PATJ: variants seen among roughly 807,000 people sequenced by gnomAD.
PATJ encodes the protein PATJ crumbs cell polarity complex component.
In PATJ, 190 loss-of-function variants were observed where a neutral mutation model predicts 224.9. That is an observed-to-expected ratio of 0.84 (90% CI 0.75 to 0.95). The LOEUF (loss-of-function observed/expected upper bound fraction) is 0.95. Among genes scored for constraint, PATJ ranks in the 40% least tolerant of loss-of-function variants. The probability of loss-of-function intolerance (pLI) is 0.00; values close to 1 mark genes in which losing one functional copy is unlikely to be tolerated. For synonymous variants in PATJ, 769 were observed against 820.3 expected (o/e 0.94, Z 1.07); for missense variants, 2,121 against 2,270.3 (o/e 0.93, Z 1.34).
intron 7 of PATJ, among the ~76,000 whole-genome samples, chr1:61,783,589 T>TAA (rs1557637588): frequency 6.6e-6 from 1 of 151,852 alleles, no homozygotes; most frequent in East Asian, 1.9e-4. Context: ...ATTCATTTTT[T>TAA]AGTTTTTGAA....
chr1:62,065,376 C>T (rs1010304046), intron 31 of PATJ, among the ~76,000 whole-genome samples: 27 of 152,090 alleles, frequency 1.8e-4, no homozygotes, highest in African/African-American at 5.8e-4. Context: ...TTTGGGAGGC[C>T]GAGACAGGCG....
chr1:62,045,252 T>G (rs935414000), intron 30 of PATJ, among the ~76,000 whole-genome samples: 4 of 152,094 alleles, frequency 2.6e-5, no homozygotes, highest in African/African-American at 9.7e-5. Flanking sequence ...AAATGTTTTT[T>G]CAATCCACAA....
At chr1:61,916,618 G>C (rs940518592) in intron 26 of PATJ, among the ~76,000 whole-genome samples, 1 of 152,180 alleles carries the variant, frequency 6.6e-6, no homozygotes, top group Non-Finnish European at 1.5e-5. Context: ...AATCTGTCAT[G>C]TAACTGTCTG....
intron 27 of PATJ, among the ~76,000 whole-genome samples, chr1:61,965,199 T>C (rs931373634): frequency 4.0e-5 from 6 of 149,156 alleles, no homozygotes; most frequent in African/African-American, 1.5e-4. Flanking sequence ...TTTATTATTT[T>C]CTAGTTGTAC....
Position 61,884,342 on chromosome 1 carries a change from C to T in PATJ, c.3065C>T (p.Thr1022Ile). Reference sequence around the variant, plus strand: ...TTGCCTTTATATCAACACCAAGCGACACGAGTTATTTCCAAGGCCTCAGCA... The same window carrying T: ...TTGCCTTTATATCAACACCAAGCGATACGAGTTATTTCCAAGGCCTCAGCA... ...EDLPLYQHQA[T>I]RVISKASAYT... Residue 1022 changes from threonine (T) to isoleucine (I), a missense_variant, in exon 22 of 44, where the codon ACA (threonine) becomes ATA (isoleucine). Transcript: ENST00000642238. 6.2e-7 allele frequency: 1 copy of T among 1,613,228 alleles called. No individual in the cohort carries two copies. Among genetic ancestry groups the T allele is most frequent in the Non-Finnish European group, 8.5e-7 (1 of 1,179,742 alleles).
intron 22 of PATJ, among the ~76,000 whole-genome samples, chr1:61,894,264 A>ACAAAC (rs200759760): frequency 1.6e-3 from 238 of 144,476 alleles, no homozygotes; most frequent in Non-Finnish European, 2.9e-3. Flanking sequence ...CATAAAAAAA[A>ACAAAC]AAAAACACAA....
intron 27 of PATJ, among the ~76,000 whole-genome samples, chr1:61,938,238 A>G (rs572599532): frequency 2.0e-5 from 3 of 152,274 alleles, no homozygotes; most frequent in Non-Finnish European, 4.4e-5. Context: ...TGGATGGGGG[A>G]TTCTACTGTC....
intron 41 of PATJ, among the ~76,000 whole-genome samples, chr1:62,141,050 G>A (rs762604237): frequency 9.9e-5 from 15 of 151,910 alleles, no homozygotes; most frequent in South Asian, 2.1e-4. Flanking sequence ...GAAGTACCCC[G>A]GAGAGTGAAG....
chr1:61,839,536 T>C (rs754126411), intron 17 of PATJ, among the ~76,000 whole-genome samples: 7 of 152,070 alleles, frequency 4.6e-5, no homozygotes, highest in Non-Finnish European at 8.8e-5. Flanking sequence ...CCAAAAAGCT[T>C]GAAAAAAAAT....
intron 28 of PATJ, among the ~76,000 whole-genome samples, chr1:62,005,704 T>G (rs1247413379): frequency 6.6e-6 from 1 of 152,062 alleles, no homozygotes; most frequent in East Asian, 1.9e-4. Context: ...GCTTCTAGGC[T>G]ACAGTGAGCT....
chr1:61,844,707 C>T (rs1383694157), intron 17 of PATJ, among the ~76,000 whole-genome samples: 1 of 151,930 alleles, frequency 6.6e-6, no homozygotes, highest in African/African-American at 2.4e-5. Context: ...AATTATAATC[C>T]CCATGTGTCA....
chr1:61,884,450 GGTTTTTTTT>G, intron 22 of PATJ, 42 bp downstream of exon 22: 1 of 689,088 alleles, frequency 1.5e-6, no homozygotes, highest in African/African-American at 3.2e-5. Flanking sequence ...ATAAAATAGT[GGTTTTTTTT>G]TTTTTTTTTT....
chr1:62,149,932 C>T (rs982281726), intron 42 of PATJ, among the ~76,000 whole-genome samples: 1 of 152,012 alleles, frequency 6.6e-6, no homozygotes, highest in African/African-American at 2.4e-5. Flanking sequence ...AGTAGAGCCA[C>T]ACTCCTCCCT....
intron 32 of PATJ, among the ~76,000 whole-genome samples, chr1:62,082,932 C>G (rs1402493938): frequency 6.6e-6 from 1 of 152,064 alleles, no homozygotes; most frequent in Non-Finnish European, 1.5e-5. Context: ...GCAGATGGAG[C>G]CCTCTCTCAT....
intron 39 of PATJ, among the ~76,000 whole-genome samples, chr1:62,123,667 C>T (rs557062550): frequency 1.6e-3 from 240 of 149,794 alleles, no homozygotes; most frequent in Admixed American, 2.4e-3. Context: ...TTAGTAGAGA[C>T]GGGTTTTCAC....
Position 61,913,145 on chromosome 1 carries a change from T to G in PATJ, c.3493-1442T>G, listed in dbSNP as rs563570384. Among the ~76,000 whole-genome samples, 8 of 152,248 alleles carry G rather than the reference T, an allele frequency of 5.3e-5. No individual in the cohort carries two copies. The South Asian group carries it at 6.2e-4, about 12-fold the overall frequency. ...ATCTTAAATTGCATTTAGGGGAAAA[T>G]GGGCTTTTTGTTTTGTTTTTAATTA... On this transcript the variant is annotated intron_variant, in intron 25 of 43. Coordinates refer to ENST00000642238, the MANE Select transcript of PATJ (RefSeq NM_001350145.3).
At chr1:62,089,682 T>TC (rs955916167) in intron 33 of PATJ, among the ~76,000 whole-genome samples, 2 of 152,204 alleles carry the variant, frequency 1.3e-5, no homozygotes, top group African/African-American at 4.8e-5. Context: ...TTTTTTTTTT[T>TC]CCCCTTCCAA....
chr1:61,803,862 A>G (rs559410597), intron 12 of PATJ, among the ~76,000 whole-genome samples: 1 of 152,226 alleles, frequency 6.6e-6, no homozygotes, highest in Admixed American at 6.5e-5. Context: ...TCATCATGTT[A>G]TTCATTTTTT....
chr1:61,989,016 C>T (rs1234101553), intron 27 of PATJ, among the ~76,000 whole-genome samples: 1 of 152,156 alleles, frequency 6.6e-6, no homozygotes, highest in African/African-American at 2.4e-5. Flanking sequence ...GGCATGAAGC[C>T]TTTGAGTGTG....
Sources: gnomAD v4.1 joint callset for allele counts (sites outside exome capture counted in the v4.1 genomes callset) on GRCh38, gnomAD v4.1.1 for gene constraint, MANE v1.5 for transcripts, NCBI Gene and HGNC (gene_info 2026-07-23, HGNC 2026-07-21) for gene names.